RGS5: variants seen among roughly 807,000 people sequenced by gnomAD.
The protein encoded by RGS5 is regulator of G protein signaling 5.
RGS5 carries 20 observed loss-of-function variants against 18.9 expected under a neutral mutation model. The ratio of observed to expected loss-of-function variants is 1.06; its 90% CI spans 0.74 to 1.54. RGS5 has a LOEUF of 1.54. Ranked by LOEUF, RGS5 falls within the 40% of genes most tolerant of loss-of-function variation. The pLI is 0.00. For synonymous variants in RGS5, 57 were observed against 76.2 expected (o/e 0.75, Z 1.31); for missense variants, 201 against 211.8 (o/e 0.95, Z 0.32).
At chr1:163,197,064 C>CCTCA (rs1196680939) in intron 1 of RGS5, among the ~76,000 whole-genome samples, 3 of 152,146 alleles carry the variant, frequency 2.0e-5, no homozygotes, top group African/African-American at 4.8e-5. Flanking sequence ...TCTCTTCCAT[C>CCTCA]CTCAGAGTTG....
At chr1:163,247,598 A>ATG (rs1557918587) in intron 2 of RGS5, among the ~76,000 whole-genome samples, 1 of 150,962 alleles carries the variant, frequency 6.6e-6, no homozygotes, top group Non-Finnish European at 1.5e-5. Context: ...ATATATATAT[A>ATG]TATGTATACG....
chr1:163,273,215 T>C (rs1648766189), intron 2 of RGS5, among the ~76,000 whole-genome samples: 1 of 152,136 alleles, frequency 6.6e-6, no homozygotes, highest in Non-Finnish European at 1.5e-5. Flanking sequence ...TCTGAACTCT[T>C]TGGGTGGAGC....
At chr1:163,208,792 C>A (rs1660027524) in intron 1 of RGS5, among the ~76,000 whole-genome samples, 3 of 152,010 alleles carry the variant, frequency 2.0e-5, no homozygotes, top group Non-Finnish European at 1.5e-5. Context: ...TATTTTTGCA[C>A]AAAGTAACAC....
intron 2 of RGS5, among the ~76,000 whole-genome samples, chr1:163,268,485 C>T (rs1648629603): frequency 6.6e-6 from 1 of 152,204 alleles, no homozygotes; most frequent in Non-Finnish European, 1.5e-5. Flanking sequence ...GACTGTTCCA[C>T]CGAGGGCTAG....
intron 1 of RGS5, among the ~76,000 whole-genome samples, chr1:163,187,971 G>A (rs1472099458): frequency 6.6e-6 from 1 of 152,004 alleles, no homozygotes; most frequent in Non-Finnish European, 1.5e-5. Context: ...TTGAACTGGA[G>A]GACTCTCAGC....
At chr1:163,291,618 T>C (rs1167937874) in intron 2 of RGS5, among the ~76,000 whole-genome samples, 1 of 152,160 alleles carries the variant, frequency 6.6e-6, no homozygotes, top group African/African-American at 2.4e-5. Context: ...TTCAGTTTTT[T>C]TGCATGTCTG....
chr1:163,217,757 T>C (rs764164306), upstream of RGS5: 5 of 940,822 alleles, frequency 5.3e-6, no homozygotes, highest in Non-Finnish European at 7.4e-6. Context: ...ACCTGAATTC[T>C]ACCATTGTGC....
chr1:163,247,631 T>C (rs891682350), intron 2 of RGS5, among the ~76,000 whole-genome samples: 1 of 151,384 alleles, frequency 6.6e-6, no homozygotes, highest in South Asian at 2.1e-4. Context: ...AGGATAGGTA[T>C]AGGTTTTATA....
rs189234502 is a variant in RGS5, at chr1:163,193,011, A to G, written c.44+9781T>C. On this transcript the variant is annotated intron_variant, in intron 1 of 4. Coordinates refer to ENST00000313961, the MANE Select transcript of RGS5 (RefSeq NM_003617.4). The stretch of plus-strand genomic sequence containing the variant: ...AGAAACAGATGTTCGGCACAAGAAA[A>G]TATCAAAAAGTGGAAGCTTGACCAA... 1.8e-3 allele frequency among the ~76,000 whole-genome samples: 271 copies of G among 152,338 alleles called. 1 individual carries two copies. The highest frequency in any genetic ancestry group is 6.8e-3 in the Middle Eastern group (2 of 294).
At chr1:163,172,755 A>G (rs941651134) in intron 1 of RGS5, among the ~76,000 whole-genome samples, 1 of 152,160 alleles carries the variant, frequency 6.6e-6, no homozygotes, top group Admixed American at 6.5e-5. Flanking sequence ...TTGTTCAGGG[A>G]ATGACTAATG....
chr1:163,161,960 C>T lies in RGS5; in HGVS notation c.172G>A (p.Ala58Thr). 2 of 1,613,110 alleles carry T rather than the reference C, an allele frequency of 1.2e-6. No homozygotes were observed. The highest frequency in any genetic ancestry group is 1.7e-6 in the Non-Finnish European group (2 of 1,179,236). ...AKTQKTSLDE[A>T]LQWRDSLDKL... The stretch of plus-strand genomic sequence containing the variant: ...TCCAGGGAATCACGCCACTGCAGGG[C>T]CTCGTCCAGCGAGGTTCTACATCAA... The change falls in exon 3 of 5, where the codon GCC (alanine) becomes ACC (threonine). Residue 58 changes from alanine to threonine, a missense_variant. Coordinates refer to ENST00000313961, the MANE Select transcript of RGS5 (RefSeq NM_003617.4).
intron 1 of RGS5, among the ~76,000 whole-genome samples, chr1:163,306,934 G>A (rs1020097933): frequency 6.6e-6 from 1 of 152,180 alleles, no homozygotes; most frequent in African/African-American, 2.4e-5. Context: ...CTCCAGGACT[G>A]TGAGACAATG....
intron 2 of RGS5, among the ~76,000 whole-genome samples, chr1:163,223,216 T>G (rs992046626): frequency 7.2e-5 from 11 of 152,150 alleles, no homozygotes; most frequent in Admixed American, 2.0e-4. Flanking sequence ...ATTACCACTG[T>G]GTCCCTGTTG....
In RGS5 at chr1:163,306,874, G is replaced by A. The variant is rs1004560537; in HGVS notation, c.-377-545C>T. ...GGCATGAAACCGATTCATCCTCACA[G>A]CCCTCAGAAGGCATCAACCTTGCTG... is the stretch of plus-strand genomic sequence containing the variant. On this transcript the variant is annotated intron_variant, in intron 1 of 5. Coordinates refer to the RGS5 transcript ENST00000618415. Among the ~76,000 whole-genome samples, 3 of 152,172 alleles carry A rather than the reference G, an allele frequency of 2.0e-5. No individual in the cohort carries two copies. In the East Asian group the frequency reaches 5.8e-4, roughly 29 times the overall value.
intron 2 of RGS5, among the ~76,000 whole-genome samples, chr1:163,223,302 T>G (rs2101679524): frequency 6.6e-6 from 1 of 152,316 alleles, no homozygotes; most frequent in Non-Finnish European, 1.5e-5. Context: ...CCTAGGATTC[T>G]AACAATCTCA....
chr1:163,248,624 G>T (rs959971729), intron 2 of RGS5: 10 of 152,004 alleles, frequency 6.6e-5, no homozygotes, highest in African/African-American at 2.4e-4. Flanking sequence ...ACAGCTCAGC[G>T]AATGTCAACC....
At chr1:163,236,960 C>CA (rs36104212) in intron 2 of RGS5, among the ~76,000 whole-genome samples, 52,050 of 126,808 alleles carry the variant, frequency 0.41, 9,525 homozygotes, top group Non-Finnish European at 0.43. Context: ...GACTGTGTCT[C>CA]AAAAAAAAAA....
In RGS5 at chr1:163,171,565, A is replaced by G. The variant is rs116345251; in HGVS notation, c.45-3197T>C. Among the ~76,000 whole-genome samples, 519 of 152,046 alleles carry G rather than the reference A, an allele frequency of 3.4e-3. 5 individuals are homozygous for G. The highest frequency in any genetic ancestry group is 7.0e-3 in the Admixed American group (107 of 15,268). Reference sequence around the variant, plus strand: ...GGTTTTAACTTTATCCCCCCTCTCAAATTTAGTTCCTTTTTTTTCTATTTC... The same window carrying G: ...GGTTTTAACTTTATCCCCCCTCTCAGATTTAGTTCCTTTTTTTTCTATTTC... On this transcript the variant is annotated intron_variant, in intron 1 of 4. Coordinates refer to ENST00000313961, the MANE Select transcript of RGS5 (RefSeq NM_003617.4).
At chr1:163,279,278 CA>C (rs1648933302) in intron 2 of RGS5, among the ~76,000 whole-genome samples, 1 of 151,902 alleles carries the variant, frequency 6.6e-6, no homozygotes, top group Non-Finnish European at 1.5e-5. Flanking sequence ...GGCCACCAAA[CA>C]AATATTAACA....
Sources: allele counts gnomAD v4.1 joint callset (sites outside exome capture counted in the v4.1 genomes callset), GRCh38; gene constraint gnomAD v4.1.1; transcripts MANE v1.5; gene names NCBI Gene and HGNC (gene_info 2026-07-23, HGNC 2026-07-21).